The following GPR161 variants were observed in gnomAD, a reference collection of about 807,000 sequenced individuals.
GPR161 encodes the protein G-protein coupled receptor RE2.
GPR161 carries 25 observed loss-of-function variants against 39.2 expected under a neutral mutation model. The ratio of observed to expected loss-of-function variants is 0.64; its 90% CI spans 0.47 to 0.89. The LOEUF is 0.89. Among genes scored for constraint, GPR161 ranks in the 40% least tolerant of loss-of-function variants. The pLI is 0.00. For missense variants in GPR161, 547 were observed against 677.8 expected (o/e 0.81, Z 2.14); for synonymous variants, 286 against 276.6 (o/e 1.03, Z -0.34).
rs552081355 is a variant in GPR161 at position 168,136,133 on chromosome 1, CGCAGATCTGAGGG to C, written c.-45+593_-45+605del. 1.4e-3 allele frequency: 1,812 copies of C among 1,263,834 alleles called. 5 individuals are homozygous for C. Among genetic ancestry groups the C allele is most frequent in the East Asian group, 0.011 (344 of 31,716 alleles). 78.3% of individuals were successfully genotyped at this position (1,263,834 alleles called of 1,614,324 possible). A position where few individuals can be genotyped will look rare whatever the true frequency, so the allele number is the denominator to read the frequency against. On this transcript the variant is annotated intron_variant, in intron 1 of 5. Transcript: ENST00000682931. Reference sequence around the variant, plus strand: ...CCAAGAACCAGCCGAATCTCCCTCCCGCAGATCTGAGGGGCAGAGCCGCCCATCCGGCGGCGCC... The same window carrying C: ...CCAAGAACCAGCCGAATCTCCCTCCCGCAGAGCCGCCCATCCGGCGGCGCC...
rs751824907 is a variant in GPR161 at position 168,096,810 on chromosome 1, C to T, written c.797G>A (p.Cys266Tyr). ...FQGVVYSANQCKALITILVVL... is the reference protein window; with the variant it reads ...FQGVVYSANQYKALITILVVL... Reference sequence around the variant, plus strand: ...CACCAGGATGGTGATGAGGGCTTTGCACTGGTTGGCCGAGTAGACCACACC... The same window carrying T: ...CACCAGGATGGTGATGAGGGCTTTGTACTGGTTGGCCGAGTAGACCACACC... The change falls in exon 3 of 6, where the codon TGC becomes TAC. Residue 266 changes from cysteine (C) to tyrosine (Y), a missense_variant. Physicochemically the swap from Cys to Tyr is radical, Grantham distance 194 (BLOSUM62 -2). Coordinates refer to ENST00000682931, the MANE Select transcript of GPR161 (RefSeq NM_001375883.1). 2 of 1,614,038 alleles carry T rather than the reference C, an allele frequency of 1.2e-6. No individual in the cohort carries two copies. The highest frequency in any genetic ancestry group is 1.1e-5 in the South Asian group (1 of 91,058).
chr1:168,094,804 C>T (rs1225871866), intron 3 of GPR161, among the ~76,000 whole-genome samples: 2 of 152,190 alleles, frequency 1.3e-5, no homozygotes, highest in Non-Finnish European at 2.9e-5. Flanking sequence ...CCTAAAAATC[C>T]AGCTACTTGA....
At chr1:168,108,402 T>G (rs1286895475) in intron 1 of GPR161, among the ~76,000 whole-genome samples, 1 of 139,932 alleles carries the variant, frequency 7.1e-6, no homozygotes, top group Non-Finnish European at 1.5e-5. Context: ...CAACTCCATA[T>G]CTAAGCATCT....
chr1:168,122,359 G>T (rs1410659554), intron 1 of GPR161, among the ~76,000 whole-genome samples: 1 of 152,136 alleles, frequency 6.6e-6, no homozygotes, highest in Non-Finnish European at 1.5e-5. Context: ...TCTGGTCCAG[G>T]CTACATTATA....
Position 168,085,265 on chromosome 1 carries a change from T to G in GPR161, c.*266A>C, listed in dbSNP as rs12567718. The G allele has an allele frequency of 2.1e-5, 11 of 530,804 alleles. No individual in the cohort carries two copies. Among genetic ancestry groups the G allele is most frequent in the Non-Finnish European group, 3.4e-5 (10 of 296,682 alleles). The allele number at this position is 530,804 out of a possible 1,614,324, so 32.9% of individuals were successfully genotyped here. On this transcript the variant is annotated 3_prime_UTR_variant, in exon 6 of 6. Transcript: ENST00000682931. The stretch of plus-strand genomic sequence containing the variant: ...ACAGCCACATCTCTAGATTTTTTTT[T>G]GGTTTTTTTTTTGCTTTAGATGCTT...
At chr1:168,137,059 C>T, upstream of GPR161, 1 of 961,078 alleles carries the variant, frequency 1.0e-6, no homozygotes. Flanking sequence ...GCGCCCCTCC[C>T]CACCCGCGCC....
intron 1 of GPR161, among the ~76,000 whole-genome samples, chr1:168,127,071 C>A (rs1017184349): frequency 6.6e-6 from 1 of 152,046 alleles, no homozygotes; most frequent in Non-Finnish European, 1.5e-5. Flanking sequence ...GAGGAATCTA[C>A]GAGGTAATGA....
intron 1 of GPR161, among the ~76,000 whole-genome samples, chr1:168,121,697 A>G (rs1698179172): frequency 6.6e-6 from 1 of 152,226 alleles, no homozygotes; most frequent in African/African-American, 2.4e-5. Context: ...CTGAAGATTG[A>G]GCAAGTCCTC....
rs12094693 is a variant in GPR161, at chr1:168,093,814, T to C, written c.1099+2694A>G. Reference sequence around the variant, plus strand: ...GCTCTCTCCTGCAGTCAGAAAGCCATGGACAGCGCAGGGTGAGCGGCTGGG... The same window carrying C: ...GCTCTCTCCTGCAGTCAGAAAGCCACGGACAGCGCAGGGTGAGCGGCTGGG... On this transcript the variant is annotated intron_variant, in intron 3 of 5. Transcript: ENST00000682931. 2.6e-3 allele frequency among the ~76,000 whole-genome samples: 396 copies of C among 152,296 alleles called. 3 individuals are homozygous for C. The highest frequency in any genetic ancestry group is 8.9e-3 in the African/African-American group (370 of 41,568).
At chr1:168,104,379 CT>C in intron 2 of GPR161, 97 bp downstream of exon 2, 1 of 1,009,912 alleles carries the variant, frequency 9.9e-7, no homozygotes, top group Non-Finnish European at 1.5e-6. Flanking sequence ...GCAAGGGCCC[CT>C]GACACTCTCC....
intron 1 of GPR161, among the ~76,000 whole-genome samples, chr1:168,121,637 A>C (rs1490412518): frequency 6.6e-6 from 1 of 152,224 alleles, no homozygotes; most frequent in African/African-American, 2.4e-5. Context: ...GGAATAGAGA[A>C]GAAAAAACAG....
At chr1:168,103,542 A>G (rs949730184) in intron 2 of GPR161, among the ~76,000 whole-genome samples, 11 of 152,104 alleles carry the variant, frequency 7.2e-5, no homozygotes, top group Non-Finnish European at 1.2e-4. Flanking sequence ...GTCTAGGTGC[A>G]GTCTGTGCTC....
chr1:168,122,989 A>C (rs1241548304), intron 1 of GPR161, among the ~76,000 whole-genome samples: 1 of 152,214 alleles, frequency 6.6e-6, no homozygotes, highest in Non-Finnish European at 1.5e-5. Flanking sequence ...GTGATGAATA[A>C]ATATAGGAAC....
At chr1:168,120,791 C>G (rs1162513289) in intron 1 of GPR161, among the ~76,000 whole-genome samples, 4 of 152,166 alleles carry the variant, frequency 2.6e-5, no homozygotes, top group African/African-American at 9.7e-5. Context: ...CTCTCTCCTG[C>G]TGCCTTGTGA....
Position 168,104,513 on chromosome 1 carries a change from G to A in GPR161, c.338C>T (p.Ala113Val). Reference protein sequence around the residue: ...SALLYLLISSASMLTLGVIAI... With the variant: ...SALLYLLISSVSMLTLGVIAI... ...AATGACCCCGAGGGTTAGCATGCTG[G>A]CAGAGCTGATCAGCAGGTAGAGGAG... is the stretch of plus-strand genomic sequence containing the variant. The change falls in exon 2 of 6, where the codon GCC becomes GTC. Residue 113 changes from alanine to valine, a missense_variant. By Grantham distance (64) the Ala-to-Val change is moderately conservative (BLOSUM62 0). Coordinates refer to ENST00000682931, the MANE Select transcript of GPR161 (RefSeq NM_001375883.1). The A allele has an allele frequency of 6.2e-7, 1 of 1,614,054 alleles. No homozygotes were observed. Among genetic ancestry groups the A allele is most frequent in the Non-Finnish European group, 8.5e-7 (1 of 1,179,944 alleles).
rs1268756883 is a variant in GPR161 at position 168,085,150 on chromosome 1, A to G, written c.*381T>C. 1 of 455,318 alleles carries G rather than the reference A, an allele frequency of 2.2e-6. No homozygotes were observed. Among genetic ancestry groups the G allele is most frequent in the Middle Eastern group, 3.3e-4 (1 of 3,050 alleles). The allele number at this position is 455,318 out of a possible 1,614,324, so 28.2% of individuals were successfully genotyped here. On this transcript the variant is annotated 3_prime_UTR_variant, in exon 6 of 6. Transcript: ENST00000682931. Reference sequence around the variant, plus strand: ...CACAGTGCACGGCTGGACTCCCAGCACACTGTGAAGAGGAGGAAATGATGC... The same window carrying G: ...CACAGTGCACGGCTGGACTCCCAGCGCACTGTGAAGAGGAGGAAATGATGC...
chr1:168,119,971 A>C (rs1698028169), intron 1 of GPR161, among the ~76,000 whole-genome samples: 1 of 151,632 alleles, frequency 6.6e-6, no homozygotes, highest in Non-Finnish European at 1.5e-5. Context: ...TCATGAAGAA[A>C]CTCTCCTAGA....
chr1:168,110,354 G>A (rs1697010120), intron 1 of GPR161, among the ~76,000 whole-genome samples: 1 of 151,826 alleles, frequency 6.6e-6, no homozygotes, highest in South Asian at 2.1e-4. Flanking sequence ...AAATTAGCCA[G>A]GCTTGGTGGT....
At chr1:168,091,354 G>C (rs1003243582) in intron 3 of GPR161, among the ~76,000 whole-genome samples, 1 of 152,210 alleles carries the variant, frequency 6.6e-6, no homozygotes, top group South Asian at 2.1e-4. Context: ...TAAAAACTGA[G>C]GGTATTGTGG....
Sources: gnomAD v4.1 joint callset for allele counts (sites outside exome capture counted in the v4.1 genomes callset) on GRCh38, gnomAD v4.1.1 for gene constraint, MANE v1.5 for transcripts, NCBI Gene and HGNC (gene_info 2026-07-23, HGNC 2026-07-21) for gene names.